STXBP5L: variants seen among roughly 807,000 people sequenced by gnomAD.
STXBP5L encodes the protein syntaxin binding protein 5L, also known as syntaxin-binding protein 5-like.
Under a neutral mutation model 144.5 loss-of-function variants are expected in STXBP5L, and 65 were observed. That is an observed-to-expected ratio of 0.45 (90% confidence interval 0.37 to 0.55). The LOEUF is 0.55. Ranked by LOEUF, STXBP5L falls within the 20% of genes least tolerant of loss-of-function variation. The pLI, the probability that STXBP5L is intolerant of heterozygous loss-of-function variation, is 0.00. For missense variants in STXBP5L, 1,298 were observed against 1,405.5 expected, an observed-to-expected ratio of 0.92 and a Z score of 1.22; for synonymous variants, 505 against 469.6, an observed-to-expected ratio of 1.08 and a Z score of -0.97.
chr3:121,310,377 G>A (rs538327615), intron 19 of STXBP5L, among the ~76,000 whole-genome samples: 38 of 152,114 alleles, frequency 2.5e-4, no homozygotes, highest in Non-Finnish European at 1.6e-4. Context: ...TTGGGAGGCC[G>A]AGGCGGGTGG....
chr3:121,229,542 ATTTTTATTAT>A (rs2049234209), intron 11 of STXBP5L, among the ~76,000 whole-genome samples: 1 of 151,876 alleles, frequency 6.6e-6, no homozygotes, highest in African/African-American at 2.4e-5. Context: ...CAACCATTTT[ATTTTTATTAT>A]TTTTCATTTT....
intron 23 of STXBP5L, among the ~76,000 whole-genome samples, chr3:121,412,893 G>T (rs749419538): frequency 6.6e-6 from 1 of 151,998 alleles, no homozygotes; most frequent in Non-Finnish European, 1.5e-5. Context: ...AATTAGCCAG[G>T]TGTGGTGGCT....
At chr3:121,241,412 C>T (rs952779123) in intron 14 of STXBP5L, among the ~76,000 whole-genome samples, 1 of 116,212 alleles carries the variant, frequency 8.6e-6, no homozygotes, top group African/African-American at 3.2e-5. Context: ...CACACACACG[C>T]ACACACCTTT....
intron 20 of STXBP5L, among the ~76,000 whole-genome samples, chr3:121,334,448 A>C (rs1218497544): frequency 6.6e-6 from 1 of 152,098 alleles, no homozygotes; most frequent in Admixed American, 6.6e-5. Flanking sequence ...ACAACAAAAA[A>C]AGAAAACTTT....
chr3:121,034,240 A>C (rs1946592573), intron 3 of STXBP5L, among the ~76,000 whole-genome samples: 1 of 152,058 alleles, frequency 6.6e-6, no homozygotes, highest in African/African-American at 2.4e-5. Context: ...CCATTACCCA[A>C]ATAATATACC....
chr3:120,940,635 T>C lies in STXBP5L; in HGVS notation c.190-14305T>C, dbSNP rs373825047. ...AGAAGATGAAAATGAGTCCTAGGGG[T>C]GGAAAAAAAAAAACAGTGGAATTTA... On this transcript the variant is annotated intron_variant, in intron 2 of 26. Coordinates refer to ENST00000471454, the MANE Select transcript of STXBP5L (RefSeq NM_001308330.2). 3.1e-3 allele frequency among the ~76,000 whole-genome samples: 380 copies of C among 121,140 alleles called. 4 individuals carry two copies. Among genetic ancestry groups the C allele is most frequent in the African/African-American group, 0.011 (355 of 32,114 alleles). 79.5% of individuals were successfully genotyped at this position (121,140 alleles called of 152,430 possible).
chr3:121,014,705 T>C (rs1164189514), intron 3 of STXBP5L, among the ~76,000 whole-genome samples: 1 of 152,050 alleles, frequency 6.6e-6, no homozygotes, highest in Non-Finnish European at 1.5e-5. Context: ...ACCAGCAATA[T>C]GTCACTGTTT....
chr3:121,313,963 G>A (rs1341047981), intron 19 of STXBP5L, among the ~76,000 whole-genome samples: 5 of 150,466 alleles, frequency 3.3e-5, no homozygotes, highest in African/African-American at 4.9e-5. Flanking sequence ...CAGACAGGGC[G>A]GTGGGGCAGA....
intron 25 of STXBP5L, among the ~76,000 whole-genome samples, chr3:121,417,766 C>T (rs1204586909): frequency 6.6e-6 from 1 of 152,186 alleles, no homozygotes; most frequent in Non-Finnish European, 1.5e-5. Flanking sequence ...TGCCCAGCCA[C>T]AAATTTTTAA....
chr3:121,115,032 T>C lies in STXBP5L; in HGVS notation c.578T>C (p.Val193Ala). Residue 193 changes from valine (V) to alanine (A), a missense_variant, in exon 6 of 27, where the codon GTT becomes GCT. By Grantham distance (64) the Val-to-Ala change is moderately conservative. Transcript: ENST00000471454. The stretch of plus-strand genomic sequence containing the variant: ...GAATCTTTCATTCTTTCTGGATATG[T>C]TATCATGTGGAACAAGGCAATTGAA... The part of the protein sequence containing the change: ...NIESFILSGY[V>A]IMWNKAIELS... 1 of 1,602,356 alleles carries C rather than the reference T, an allele frequency of 6.2e-7. No homozygotes were observed. The highest frequency in any genetic ancestry group is 8.5e-7 in the Non-Finnish European group (1 of 1,176,338).
intron 20 of STXBP5L, among the ~76,000 whole-genome samples, chr3:121,341,863 G>A (rs573805545): frequency 9.1e-4 from 101 of 110,704 alleles, no homozygotes; most frequent in African/African-American, 3.1e-3. Flanking sequence ...GAAGGGTAGT[G>A]AAGGGAAAGT....
intron 2 of STXBP5L, among the ~76,000 whole-genome samples, chr3:120,938,857 T>G (rs999575762): frequency 6.6e-6 from 1 of 152,204 alleles, no homozygotes; most frequent in Admixed American, 6.5e-5. Context: ...CATAGCTCAC[T>G]GCAGTGTCGA....
At chr3:121,087,416 A>C (rs1292089078) in intron 5 of STXBP5L, among the ~76,000 whole-genome samples, 4 of 151,914 alleles carry the variant, frequency 2.6e-5, no homozygotes, top group African/African-American at 9.7e-5. Flanking sequence ...TGACCATTTT[A>C]TTATTATTTG....
intron 20 of STXBP5L, among the ~76,000 whole-genome samples, chr3:121,363,185 G>A (rs2045764914): frequency 6.6e-6 from 1 of 152,060 alleles, no homozygotes; most frequent in Non-Finnish European, 1.5e-5. Context: ...GGAGCCATGA[G>A]CTGTGCAGCC....
At chr3:120,965,748 T>C (rs1449232407) in intron 3 of STXBP5L, among the ~76,000 whole-genome samples, 1 of 152,192 alleles carries the variant, frequency 6.6e-6, no homozygotes, top group African/African-American at 2.4e-5. Flanking sequence ...CTGACAGTTA[T>C]GTGTCTTGGG....
chr3:121,320,202 GT>G (rs2043923773), intron 20 of STXBP5L, among the ~76,000 whole-genome samples: 2 of 151,712 alleles, frequency 1.3e-5, no homozygotes, highest in African/African-American at 4.8e-5. Context: ...ATATTTTTGG[GT>G]TTTTTTGTAG....
At chr3:121,095,150 A>G (rs1345426038) in intron 5 of STXBP5L, among the ~76,000 whole-genome samples, 2 of 152,120 alleles carry the variant, frequency 1.3e-5, no homozygotes, top group Non-Finnish European at 2.9e-5. Flanking sequence ...TTCTGCCGAG[A>G]GATCCGCTGT....
Position 121,220,833 on chromosome 3 carries a change from T to C in STXBP5L, c.957-2170T>C, listed in dbSNP as rs1047313627. Among the ~76,000 whole-genome samples, 5 of 152,052 alleles carry C rather than the reference T, an allele frequency of 3.3e-5. No homozygotes were observed. The South Asian group carries it at 1.0e-3, about 31-fold the overall frequency. On this transcript the variant is annotated intron_variant, in intron 10 of 26. Coordinates refer to ENST00000471454, the MANE Select transcript of STXBP5L (RefSeq NM_001308330.2). ...CCTGGACAAGTTTAATCTGCATTAA[T>C]CCCAGATTATTCATGTATAAAATGG...
At chr3:121,346,587 A>G (rs1255177270) in intron 20 of STXBP5L, among the ~76,000 whole-genome samples, 1 of 152,110 alleles carries the variant, frequency 6.6e-6, no homozygotes, top group Admixed American at 6.6e-5. Flanking sequence ...AAGTGTTCCT[A>G]CTTCTCCACA....
Sources: allele counts gnomAD v4.1 joint callset (sites outside exome capture counted in the v4.1 genomes callset), GRCh38; gene constraint gnomAD v4.1.1; transcripts MANE v1.5; gene names NCBI Gene and HGNC (gene_info 2026-07-23, HGNC 2026-07-21).